Variants in MDGA2 observed in about 807,000 individuals in gnomAD.
The protein encoded by MDGA2 is MAM domain containing glycosylphosphatidylinositol anchor 2.
In MDGA2, 40 loss-of-function variants were observed where a neutral mutation model predicts 117.8. The ratio of observed to expected loss-of-function variants is 0.34; its 90% confidence interval spans 0.26 to 0.44. The LOEUF is 0.44. MDGA2 is among the 20% of genes least tolerant of loss of function. MDGA2 has a pLI of 1.00. For synonymous variants in MDGA2, 452 were observed against 439.0 expected (o/e 1.03, Z -0.37); for missense variants, 1,123 against 1,250.6 (o/e 0.90, Z 1.54).
chr14:47,662,674 G>C (rs866757600), intron 1 of MDGA2, among the ~76,000 whole-genome samples: 2 of 152,268 alleles, frequency 1.3e-5, no homozygotes, highest in Middle Eastern at 3.4e-3. Context: ...TTGATAGTGA[G>C]GCACAGGAAA....
At chr14:46,948,319 T>G (rs1885244493) in intron 9 of MDGA2, among the ~76,000 whole-genome samples, 1 of 152,048 alleles carries the variant, frequency 6.6e-6, no homozygotes, top group Non-Finnish European at 1.5e-5. Flanking sequence ...TCCCTAAATA[T>G]CTTGACCAGT....
At chr14:47,552,015 T>C (rs948572903) in intron 1 of MDGA2, among the ~76,000 whole-genome samples, 1 of 152,220 alleles carries the variant, frequency 6.6e-6, no homozygotes, top group Non-Finnish European at 1.5e-5. Flanking sequence ...CTGAAAGATT[T>C]ATGATCATTT....
At chr14:46,971,683 T>C (rs1886270528) in intron 8 of MDGA2, among the ~76,000 whole-genome samples, 1 of 151,934 alleles carries the variant, frequency 6.6e-6, no homozygotes, top group East Asian at 1.9e-4. Context: ...ATGTATTATA[T>C]AATAAAAATA....
chr14:47,090,050 T>C (rs942469856), intron 6 of MDGA2, among the ~76,000 whole-genome samples: 2 of 152,152 alleles, frequency 1.3e-5, no homozygotes, highest in African/African-American at 4.8e-5. Flanking sequence ...TTATAAGTCT[T>C]TTTGTAATAA....
chr14:47,158,702 G>A (rs916395741), intron 3 of MDGA2, among the ~76,000 whole-genome samples: 1 of 152,146 alleles, frequency 6.6e-6, no homozygotes, highest in East Asian at 1.9e-4. Flanking sequence ...TGATCAGCGT[G>A]CCTCGGCCTC....
intron 2 of MDGA2, among the ~76,000 whole-genome samples, chr14:47,224,958 T>A (rs17118216): frequency 6.6e-6 from 1 of 152,172 alleles, no homozygotes; most frequent in Non-Finnish European, 1.5e-5. Context: ...GCATACAGGT[T>A]CAATTTTTAA....
chr14:46,984,120 A>G (rs952921246), intron 8 of MDGA2, among the ~76,000 whole-genome samples: 1 of 151,992 alleles, frequency 6.6e-6, no homozygotes, highest in Non-Finnish European at 1.5e-5. Flanking sequence ...GGGCATATGT[A>G]CCAGTCTCTA....
intron 7 of MDGA2, among the ~76,000 whole-genome samples, chr14:47,053,132 C>A (rs1286814493): frequency 6.6e-6 from 1 of 151,874 alleles, no homozygotes; most frequent in Non-Finnish European, 1.5e-5. Context: ...CATGGATATT[C>A]TTTTTTTCTA....
chr14:47,217,510 T>C (rs1886136827), intron 3 of MDGA2, among the ~76,000 whole-genome samples: 2 of 152,028 alleles, frequency 1.3e-5, no homozygotes, highest in African/African-American at 4.8e-5. Context: ...TGATTACTTT[T>C]AACAGAATTG....
At chr14:46,874,741 T>G (rs1013635780) in intron 12 of MDGA2, among the ~76,000 whole-genome samples, 2 of 151,868 alleles carry the variant, frequency 1.3e-5, no homozygotes, top group Non-Finnish European at 2.9e-5. Context: ...CTACTTTATC[T>G]GAATGTGGGT....
intron 10 of MDGA2, among the ~76,000 whole-genome samples, chr14:46,918,064 T>G (rs972832165): frequency 1.3e-5 from 2 of 152,278 alleles, no homozygotes; most frequent in African/African-American, 4.8e-5. Context: ...GTAAATTCTA[T>G]GAACTTAAAA....
At chr14:46,858,953 G>A (rs551795071) in intron 14 of MDGA2, among the ~76,000 whole-genome samples, 3 of 152,086 alleles carry the variant, frequency 2.0e-5, no homozygotes, top group Non-Finnish European at 2.9e-5. Flanking sequence ...ATAGCAAAAT[G>A]TTCAGTTATA....
At chr14:46,852,718 G>A (rs1239299115) in intron 15 of MDGA2, among the ~76,000 whole-genome samples, 1 of 151,854 alleles carries the variant, frequency 6.6e-6, no homozygotes, top group Admixed American at 6.6e-5. Flanking sequence ...ACATTTGGTA[G>A]ACGACTCAGA....
intron 14 of MDGA2, among the ~76,000 whole-genome samples, chr14:46,869,688 A>G (rs1270271866): frequency 3.3e-5 from 5 of 151,910 alleles, no homozygotes; most frequent in Admixed American, 6.6e-5. Flanking sequence ...ACTCAGTCAC[A>G]TTAAATGGAA....
At chr14:47,257,512 G>A (rs544303540) in intron 2 of MDGA2, among the ~76,000 whole-genome samples, 4 of 151,960 alleles carry the variant, frequency 2.6e-5, no homozygotes, top group East Asian at 3.9e-4. Flanking sequence ...TATGTTTATT[G>A]TCTGCATCCC....
intron 1 of MDGA2, among the ~76,000 whole-genome samples, chr14:47,468,393 G>C (rs536661336): frequency 6.6e-6 from 1 of 152,122 alleles, no homozygotes; most frequent in Non-Finnish European, 1.5e-5. Context: ...TGCTGCAGTT[G>C]AAAAGTCTGA....
At chr14:47,360,758 A>T (rs570218903) in intron 1 of MDGA2, among the ~76,000 whole-genome samples, 1 of 152,306 alleles carries the variant, frequency 6.6e-6, no homozygotes, top group Non-Finnish European at 1.5e-5. Flanking sequence ...CACCTTGTAG[A>T]GATATCTGTG....
chr14:47,452,919 G>A (rs1893271294), intron 1 of MDGA2, among the ~76,000 whole-genome samples: 1 of 152,058 alleles, frequency 6.6e-6, no homozygotes, highest in Non-Finnish European at 1.5e-5. Flanking sequence ...GAGACCATGA[G>A]TCACATTGTG....
chr14:47,020,439 T>C (rs533438283), intron 8 of MDGA2, among the ~76,000 whole-genome samples: 1 of 152,218 alleles, frequency 6.6e-6, no homozygotes, highest in South Asian at 2.1e-4. Context: ...GAATGTCTTA[T>C]GTAGAATTCT....
Sources: allele counts gnomAD v4.1 joint callset (sites outside exome capture counted in the v4.1 genomes callset), GRCh38; gene constraint gnomAD v4.1.1; transcripts MANE v1.5; gene names NCBI Gene and HGNC (gene_info 2026-07-23, HGNC 2026-07-21).